SLC4A5: variants seen among roughly 807,000 people sequenced by gnomAD.
The protein encoded by SLC4A5 is electrogenic sodium bicarbonate cotransporter 4.
Under a neutral mutation model 120.4 loss-of-function variants are expected in SLC4A5, and 96 were observed. That is an observed-to-expected ratio of 0.80 (90% CI 0.68 to 0.94). SLC4A5 has a LOEUF of 0.94. Among genes scored for constraint, SLC4A5 ranks in the 40% least tolerant of loss-of-function variants. The probability of loss-of-function intolerance (pLI) is 0.00; values close to 1 mark genes in which losing one functional copy is unlikely to be tolerated. For synonymous variants in SLC4A5, 550 were observed against 571.1 expected (o/e 0.96, Z 0.53); for missense variants, 1,259 against 1,459.5 (o/e 0.86, Z 2.24).
At chr2:74,313,959 C>T (rs1054000350) in intron 6 of SLC4A5, among the ~76,000 whole-genome samples, 1 of 152,074 alleles carries the variant, frequency 6.6e-6, no homozygotes. Flanking sequence ...CTCTGGGACT[C>T]GGTGAACTCA....
chr2:74,256,921 G>C (rs1028837347), intron 12 of SLC4A5, among the ~76,000 whole-genome samples: 5 of 152,144 alleles, frequency 3.3e-5, no homozygotes, highest in African/African-American at 4.8e-5. Flanking sequence ...AGCGCCTGGG[G>C]GTAGAGGACA....
chr2:74,251,607 G>A (rs956747240), intron 16 of SLC4A5, among the ~76,000 whole-genome samples: 21 of 152,220 alleles, frequency 1.4e-4, no homozygotes, highest in African/African-American at 4.8e-4. Context: ...TTTAGATTAA[G>A]TCATTATGGT....
rs368654596 is a variant in SLC4A5, at chr2:74,220,642, G to T, written c.*33+792C>A. Among the ~76,000 whole-genome samples the T allele has an allele frequency of 7.3e-3, 967 of 133,328 alleles. 5 individuals are homozygous for T. The highest frequency in any genetic ancestry group is 0.026 in the African/African-American group (915 of 35,608). The allele number at this position is 133,328 out of a possible 152,430, so 87.5% of individuals were successfully genotyped here. ...CGCCATTCTCCTGCCTCAGCCTCCC[G>T]AGTAGCTGGGACTACAGGCGCCCAC... On this transcript the variant is annotated intron_variant, in intron 30 of 30. Coordinates refer to ENST00000394019, the Ensembl canonical transcript of SLC4A5.
intron 2 of SLC4A5, among the ~76,000 whole-genome samples, chr2:74,341,888 G>A (rs938292756): frequency 1.3e-5 from 2 of 152,218 alleles, no homozygotes; most frequent in African/African-American, 2.4e-5. Flanking sequence ...GCCCAACCCA[G>A]CTTATGTCCT....
chr2:74,309,749 G>A (rs1672751568), intron 6 of SLC4A5, among the ~76,000 whole-genome samples: 1 of 151,028 alleles, frequency 6.6e-6, no homozygotes, highest in African/African-American at 2.4e-5. Flanking sequence ...TCTGCCTCCC[G>A]GGTTCACGCC....
chr2:74,284,139 T>C (rs942171070), intron 8 of SLC4A5, among the ~76,000 whole-genome samples: 3 of 151,418 alleles, frequency 2.0e-5, no homozygotes, highest in Admixed American at 6.6e-5. Flanking sequence ...TGAGCCACTG[T>C]GCCTAGCCCT....
At chr2:74,335,885 C>T (rs753482653) in intron 3 of SLC4A5, among the ~76,000 whole-genome samples, 12 of 152,136 alleles carry the variant, frequency 7.9e-5, no homozygotes, top group Non-Finnish European at 1.5e-4. Context: ...TAAGTTCAGA[C>T]ATTTATATAT....
chr2:74,252,395 G>C lies in SLC4A5; in HGVS notation c.1269-7C>G. 6.2e-7 allele frequency: 1 copy of C among 1,609,566 alleles called. No individual in the cohort carries two copies. Among genetic ancestry groups the C allele is most frequent in the Non-Finnish European group, 8.5e-7 (1 of 1,176,662 alleles). ...TAGGGAGAACACAGATTTCCTGGAA[G>C]AGAAGGGGGATGAAGGAGAGTGGGT... On this transcript the variant is annotated splice_polypyrimidine_tract_variant and splice_region_variant and intron_variant, in intron 15 of 30. Coordinates refer to ENST00000394019, the Ensembl canonical transcript of SLC4A5.
intron 3 of SLC4A5, among the ~76,000 whole-genome samples, chr2:74,335,860 T>C (rs186637968): frequency 2.0e-5 from 3 of 152,270 alleles, no homozygotes; most frequent in African/African-American, 7.2e-5. Flanking sequence ...GAAAACTGAA[T>C]AGGGCAAATA....
intron 8 of SLC4A5, among the ~76,000 whole-genome samples, chr2:74,269,228 C>T (rs56315637): frequency 0.023 from 3,502 of 151,084 alleles, 133 homozygotes; most frequent in African/African-American, 0.079. Context: ...TTTTTTGAGA[C>T]GGAGTTTCAC....
At chr2:74,253,234 C>A in intron 14 of SLC4A5, 106 bp from the exon 15 acceptor site, 2 of 1,315,348 alleles carry the variant, frequency 1.5e-6, no homozygotes, top group African/African-American at 1.5e-5. Context: ...ACCACATCTC[C>A]CACTGCCAAC....
At chr2:74,282,654 G>C (rs1454671651) in intron 8 of SLC4A5, among the ~76,000 whole-genome samples, 1 of 152,222 alleles carries the variant, frequency 6.6e-6, no homozygotes, top group Non-Finnish European at 1.5e-5. Flanking sequence ...TCCACACTCT[G>C]AGAGAATAGA....
chr2:74,259,009 G>A (rs1445219448), intron 12 of SLC4A5, among the ~76,000 whole-genome samples: 2 of 152,142 alleles, frequency 1.3e-5, no homozygotes, highest in East Asian at 3.9e-4. Context: ...TTGGAATTAA[G>A]GGGGCCTCCT....
intron 25 of SLC4A5, among the ~76,000 whole-genome samples, chr2:74,230,691 G>A (rs1445463134): frequency 6.6e-6 from 1 of 152,202 alleles, no homozygotes; most frequent in Non-Finnish European, 1.5e-5. Context: ...GTGGCCCTGG[G>A]ATGGGTGGGA....
Position 74,269,611 on chromosome 2 carries a change from T to G in SLC4A5, c.402-4347A>C, listed in dbSNP as rs78353026. Among the ~76,000 whole-genome samples the G allele has an allele frequency of 6.7e-5, 10 of 149,068 alleles. No homozygotes were observed. The East Asian group carries it at 1.6e-3, about 23-fold the overall frequency. On this transcript the variant is annotated intron_variant, in intron 8 of 30. Transcript: ENST00000394019. ...CTCCTATTCAGCTTGCCTTTTATTG[T>G]TTTTTTTTTCTCAAAAATAATACAA...
intron 5 of SLC4A5, among the ~76,000 whole-genome samples, chr2:74,317,801 G>A (rs1673003302): frequency 6.6e-6 from 1 of 152,226 alleles, no homozygotes; most frequent in African/African-American, 2.4e-5. Context: ...ACATTTTGGG[G>A]ACCTCTGACA....
Position 74,225,010 on chromosome 2 carries a change from G to T in SLC4A5, c.3091-15C>A. On this transcript the variant is annotated splice_polypyrimidine_tract_variant and intron_variant, in intron 27 of 30. Coordinates refer to ENST00000394019, the Ensembl canonical transcript of SLC4A5. Reference sequence around the variant, plus strand: ...AGGCCCAGGATCTGTGGTGGAGAGAGACTAAAGTTTTGTGAGAATTTGGAG... The same window carrying T: ...AGGCCCAGGATCTGTGGTGGAGAGATACTAAAGTTTTGTGAGAATTTGGAG... The T allele has an allele frequency of 6.3e-7, 1 of 1,597,066 alleles. No individual in the cohort carries two copies. The highest frequency in any genetic ancestry group is 1.1e-5 in the South Asian group (1 of 87,266).
chr2:74,304,806 G>A, intron 6 of SLC4A5, 126 bp from the exon 7 acceptor site: 1 of 908,056 alleles, frequency 1.1e-6, no homozygotes, highest in Non-Finnish European at 1.7e-6. Flanking sequence ...GTGCCAGGAT[G>A]GGGTCATTGC....
chr2:74,264,567 C>T (rs1671243355), intron 9 of SLC4A5, among the ~76,000 whole-genome samples: 1 of 150,872 alleles, frequency 6.6e-6, no homozygotes. Context: ...ATAAACAGTA[C>T]ATATGAAACT....
Sources: allele counts gnomAD v4.1 joint callset (sites outside exome capture counted in the v4.1 genomes callset), GRCh38; gene constraint gnomAD v4.1.1; transcripts MANE v1.5; gene names NCBI Gene and HGNC (gene_info 2026-07-23, HGNC 2026-07-21).